Variants in PTPN1 observed in about 807,000 individuals in gnomAD.
PTPN1 encodes the protein protein tyrosine phosphatase non-receptor type 1.
A neutral mutation model predicts 59.9 loss-of-function variants in PTPN1; 12 were observed. The ratio of observed to expected loss-of-function variants is 0.20; its 90% confidence interval spans 0.13 to 0.32. The LOEUF is 0.32. PTPN1 is among the 10% of genes least tolerant of loss of function. PTPN1 has a pLI of 1.00. For missense variants in PTPN1, 356 were observed against 549.2 expected, an observed-to-expected ratio of 0.65 and a Z score of 3.52; for synonymous variants, 178 against 203.6, an observed-to-expected ratio of 0.87 and a Z score of 1.07.
At chr20:50,533,577 G>A (rs1321455523) in intron 1 of PTPN1, among the ~76,000 whole-genome samples, 2 of 152,052 alleles carry the variant, frequency 1.3e-5, no homozygotes, top group African/African-American at 2.4e-5. Flanking sequence ...GTAGAAGCCC[G>A]CTCTTTTCAG....
Position 50,524,535 on chromosome 20 carries a change from C to CA in PTPN1, c.63+13947dup, listed in dbSNP as rs199730015. Among the ~76,000 whole-genome samples the CA allele has an allele frequency of 7.0e-3, 897 of 127,554 alleles. 10 individuals carry two copies. The highest frequency in any genetic ancestry group is 0.025 in the African/African-American group (854 of 33,562). The allele number at this position is 127,554 out of a possible 152,430, so 83.7% of individuals were successfully genotyped here. A position where few individuals can be genotyped will look rare whatever the true frequency, so the allele number is the denominator to read the frequency against. The stretch of plus-strand genomic sequence containing the variant: ...TGTTGTGAATTTTAAGGGATATTTT[C>CA]AATGATGTTGGCTGGTTTATCCCAT... On this transcript the variant is annotated intron_variant, in intron 1 of 9. Coordinates refer to ENST00000371621, the MANE Select transcript of PTPN1 (RefSeq NM_002827.4).
chr20:50,548,976 C>G (rs1287514705), intron 1 of PTPN1, among the ~76,000 whole-genome samples: 1 of 152,188 alleles, frequency 6.6e-6, no homozygotes, highest in Non-Finnish European at 1.5e-5. Flanking sequence ...CCTTGGCCTC[C>G]CAAAGTGCTG....
At chr20:50,520,089 C>G (rs578248581) in intron 1 of PTPN1, among the ~76,000 whole-genome samples, 1 of 151,882 alleles carries the variant, frequency 6.6e-6, no homozygotes, top group Non-Finnish European at 1.5e-5. Flanking sequence ...TCTTTGATTC[C>G]GGCCGGGCAT....
intron 3 of PTPN1, among the ~76,000 whole-genome samples, chr20:50,567,730 T>C (rs1022985907): frequency 1.3e-5 from 2 of 152,218 alleles, no homozygotes; most frequent in African/African-American, 4.8e-5. Flanking sequence ...TTTCTACATC[T>C]CCTAAGTTTG....
At chr20:50,512,995 G>A (rs2082513812) in intron 1 of PTPN1, among the ~76,000 whole-genome samples, 2 of 152,210 alleles carry the variant, frequency 1.3e-5, no homozygotes, top group South Asian at 2.1e-4. Context: ...AACTTGGTAA[G>A]CAGGTCAGTT....
At chr20:50,563,771 G>A (rs2082764940) in intron 2 of PTPN1, among the ~76,000 whole-genome samples, 1 of 152,088 alleles carries the variant, frequency 6.6e-6, no homozygotes, top group Non-Finnish European at 1.5e-5. Context: ...TGTCCCTTGT[G>A]CTGTGCCAGA....
intron 1 of PTPN1, among the ~76,000 whole-genome samples, chr20:50,512,206 T>C (rs1383674380): frequency 6.6e-6 from 1 of 152,186 alleles, no homozygotes; most frequent in Non-Finnish European, 1.5e-5. Context: ...GTAGACAAAT[T>C]TTCTGCATCA....
In PTPN1 at chr20:50,581,599, G is replaced by C. The variant is rs569947127; in HGVS notation, c.1284+139G>C. 7.6e-5 allele frequency: 77 copies of C among 1,018,704 alleles called. No homozygotes were observed. The South Asian group carries it at 1.3e-3, about 18-fold the overall frequency. 63.1% of individuals were successfully genotyped at this position (1,018,704 alleles called of 1,614,324 possible). A position where few individuals can be genotyped will look rare whatever the true frequency, so the allele number is the denominator to read the frequency against. ...ACAGATCAAAGGTTTTTAAAGTCTG[G>C]AACTGTGGAAGGGCTAACAAGAGAA... On this transcript the variant is annotated intron_variant, in intron 9 of 9. Coordinates refer to ENST00000371621, the MANE Select transcript of PTPN1 (RefSeq NM_002827.4).
At chr20:50,513,844 A>G (rs1185744756) in intron 1 of PTPN1, among the ~76,000 whole-genome samples, 2 of 152,190 alleles carry the variant, frequency 1.3e-5, no homozygotes. Context: ...AGGAAAAAAA[A>G]CTATTTTATG....
Position 50,582,762 on chromosome 20 carries a change from G to A in PTPN1, c.*47G>A, listed in dbSNP as rs529763395. The A allele has an allele frequency of 1.4e-5, 23 of 1,609,522 alleles. No homozygotes were observed. Among genetic ancestry groups the A allele is most frequent in the East Asian group, 1.3e-4 (6 of 44,816 alleles). On this transcript the variant is annotated 3_prime_UTR_variant, in exon 10 of 10. Transcript: ENST00000371621. This position sits in a 1 kb window ranked among gnomAD's most constrained non-coding sequence, Gnocchi z 4.2. Reference sequence around the variant, plus strand: ...CTCCACCCACTGTCCGCCTCTGCCCGCAGAGCCCACGCCCGACTAGCAGGC... The same window carrying A: ...CTCCACCCACTGTCCGCCTCTGCCCACAGAGCCCACGCCCGACTAGCAGGC...
chr20:50,539,927 GTTT>G (rs2082642744), intron 1 of PTPN1, among the ~76,000 whole-genome samples: 1 of 150,784 alleles, frequency 6.6e-6, no homozygotes, highest in African/African-American at 2.4e-5. Context: ...AGAGTTTTCC[GTTT>G]TTCGTCTGGT....
At chr20:50,574,795 G>T in intron 5 of PTPN1, 141 bp downstream of exon 5, 1 of 1,102,200 alleles carries the variant, frequency 9.1e-7, no homozygotes, top group Non-Finnish European at 1.3e-6. Context: ...GCACTGTGGT[G>T]AGCGGAGCTT....
At chr20:50,571,372 C>T (rs1325888770) in intron 4 of PTPN1, 1 of 152,198 alleles carries the variant, frequency 6.6e-6, no homozygotes, top group Non-Finnish European at 1.5e-5. Flanking sequence ...GCATGAAAAG[C>T]AATGTATGGT....
intron 1 of PTPN1, among the ~76,000 whole-genome samples, chr20:50,546,925 C>T (rs1188274597): frequency 1.3e-5 from 2 of 152,146 alleles, no homozygotes; most frequent in African/African-American, 4.8e-5. Flanking sequence ...AGCCCAGGGC[C>T]TGAAGTTCTT....
intron 1 of PTPN1, among the ~76,000 whole-genome samples, chr20:50,556,955 T>C (rs1371811331): frequency 6.6e-6 from 1 of 152,142 alleles, no homozygotes; most frequent in Non-Finnish European, 1.5e-5. Flanking sequence ...AATAGACATA[T>C]AATACAACCC....
chr20:50,554,380 A>ACTCTCTCTCTCTCTCTCTCTCTCTCTC (rs1555829976), intron 1 of PTPN1, among the ~76,000 whole-genome samples: 2 of 140,200 alleles, frequency 1.4e-5, no homozygotes, highest in East Asian at 2.2e-4. Context: ...GCAAGACCAC[A>ACTCTCTCTCTCTCTCTCTCTCTCTCTC]TCTCTCTCTC....
intron 1 of PTPN1, among the ~76,000 whole-genome samples, chr20:50,539,638 T>TTC (rs1292636732): frequency 1.2e-4 from 18 of 147,970 alleles, no homozygotes; most frequent in African/African-American, 2.8e-4. Context: ...TTTTCCCTCT[T>TTC]TCTCTCTTTT....
chr20:50,516,158 A>C (rs1284638318), intron 1 of PTPN1, among the ~76,000 whole-genome samples: 1 of 152,150 alleles, frequency 6.6e-6, no homozygotes, highest in Non-Finnish European at 1.5e-5. Flanking sequence ...TGGTTCATAA[A>C]ATACTTTTTG....
rs531671711 is a variant in PTPN1, at chr20:50,545,488, G to A, written c.64-15875G>A. Among the ~76,000 whole-genome samples the A allele has an allele frequency of 3.3e-5, 5 of 152,332 alleles. No homozygotes were observed. In the South Asian group the frequency reaches 1.0e-3, roughly 32 times the overall value. ...TATCCTAAATTAGCGCTATGTTAGTGGAGTTGCATCTCCCTCATGGATTAG... is the reference window on the plus strand; with the variant it reads ...TATCCTAAATTAGCGCTATGTTAGTAGAGTTGCATCTCCCTCATGGATTAG... On this transcript the variant is annotated intron_variant, in intron 1 of 9. Coordinates refer to ENST00000371621, the MANE Select transcript of PTPN1 (RefSeq NM_002827.4).
Sources: gnomAD v4.1 joint callset for allele counts (sites outside exome capture counted in the v4.1 genomes callset) on GRCh38, gnomAD v4.1.1 for gene constraint, Gnocchi (gnomAD v3.1) non-coding constraint, MANE v1.5 for transcripts, NCBI Gene and HGNC (gene_info 2026-07-23, HGNC 2026-07-21) for gene names.